The following GRIK5 variants were observed in gnomAD, a reference collection of about 807,000 sequenced individuals.
The protein encoded by GRIK5 is glutamate receptor ionotropic, kainate 5.
Under a neutral mutation model 97.4 loss-of-function variants are expected in GRIK5, and 43 were observed. That is an observed-to-expected ratio of 0.44 (90% CI 0.35 to 0.57). The LOEUF (loss-of-function observed/expected upper bound fraction) is 0.57. Ranked by LOEUF, GRIK5 falls within the 20% of genes least tolerant of loss-of-function variation. The pLI is 0.01. For synonymous variants in GRIK5, 580 were observed against 583.5 expected (o/e 0.99, Z 0.09); for missense variants, 1,015 against 1,382.0 (o/e 0.73, Z 4.21).
chr19:42,036,759 C>T (rs1304984102), intron 12 of GRIK5, among the ~76,000 whole-genome samples: 1 of 152,226 alleles, frequency 6.6e-6, no homozygotes. Flanking sequence ...TTACTAGAAA[C>T]CTGCCATGTG....
rs763923047 is a variant in GRIK5 at position 42,021,428 on chromosome 19, G to A, written c.1744C>T (p.Arg582Cys). 45 of 1,607,038 alleles carry A rather than the reference G, an allele frequency of 2.8e-5. No individual in the cohort carries two copies. The highest frequency in any genetic ancestry group is 1.3e-4 in the Admixed American group (8 of 59,468). The change falls in exon 15 of 20, where the codon CGC (arginine) becomes TGC (cysteine). Residue 582 changes from arginine to cysteine, a missense_variant. By Grantham distance (180) the Arg-to-Cys change is radical. Transcript: ENST00000593562. This position sits in a 1 kb window ranked among gnomAD's most constrained non-coding sequence, Gnocchi z 4.2. ...WYNPHPCLRARPHILENQYTL... is the reference protein window; with the variant it reads ...WYNPHPCLRACPHILENQYTL... Reference sequence around the variant, plus strand: ...TACTGGTTCTCCAGGATGTGGGGGCGTGCCCGCAGGCATGGGTGTGGGTTA... The same window carrying A: ...TACTGGTTCTCCAGGATGTGGGGGCATGCCCGCAGGCATGGGTGTGGGTTA...
Position 41,999,281 on chromosome 19 carries a change from T to G in GRIK5, c.2533A>C (p.Met845Leu). 6.6e-7 allele frequency: 1 copy of G among 1,523,476 alleles called. No individual in the cohort carries two copies. The highest frequency in any genetic ancestry group is 1.2e-5 in the South Asian group (1 of 83,450). 94.4% of individuals were successfully genotyped at this position (1,523,476 alleles called of 1,614,324 possible). A position where few individuals can be genotyped will look rare whatever the true frequency, so the allele number is the denominator to read the frequency against. ...ACGGCGTGGCGCAGCTCCTGCAGCATCTCCTGGCACACCGACACCTGGGGG... is the reference window on the plus strand; with the variant it reads ...ACGGCGTGGCGCAGCTCCTGCAGCAGCTCCTGGCACACCGACACCTGGGGG... ...ESEEVSVCQE[M>L]LQELRHAVSC... is the part of the protein sequence containing the mutation. The change falls in exon 20 of 20, where the codon ATG becomes CTG. Residue 845 changes from methionine (M) to leucine (L), a missense_variant. By Grantham distance (15) the Met-to-Leu change is conservative. This residue lies in a region of GRIK5 where 229 missense variants were observed against 341.0 expected (regional missense o/e 0.67). Coordinates refer to ENST00000593562, the MANE Select transcript of GRIK5 (RefSeq NM_002088.5). This position sits in a 1 kb window ranked among gnomAD's most constrained non-coding sequence, Gnocchi z 5.0.
intron 11 of GRIK5, among the ~76,000 whole-genome samples, chr19:42,047,971 T>TAA (rs1315383774): frequency 1.3e-5 from 1 of 78,366 alleles, no homozygotes; most frequent in Non-Finnish European, 2.5e-5. Flanking sequence ...AGACTCTGTC[T>TAA]CAAAAAAAAA....
intron 12 of GRIK5, among the ~76,000 whole-genome samples, chr19:42,028,095 A>G (rs569348615): frequency 1.3e-5 from 2 of 152,306 alleles, no homozygotes; most frequent in Admixed American, 1.3e-4. Flanking sequence ...GGCTTCCCAA[A>G]GTGCTAGGAT....
In GRIK5 at chr19:41,999,206, G is replaced by A. The variant is rs1396977064; in HGVS notation, c.2608C>T (p.Pro870Ser). The change falls in exon 20 of 20, where the codon CCG becomes TCG. Residue 870 changes from proline to serine, a missense_variant. This residue lies in a region of GRIK5 where 229 missense variants were observed against 341.0 expected (regional missense o/e 0.67). Transcript: ENST00000593562. The surrounding 1 kb of genome is among the most constrained non-coding windows in gnomAD (Gnocchi z 5.0). The part of the protein sequence containing the change: ...RSRRRRRPGG[P>S]SRALLSLRAV... ...CGCAGTGACAGCAGGGCCCGGCTCG[G>A]GCCGCCCGGGCGTCGGCGCCGGCGG... 2.0e-6 allele frequency: 3 copies of A among 1,517,848 alleles called. No individual in the cohort carries two copies. The highest frequency in any genetic ancestry group is 4.0e-5 in the Admixed American group (2 of 49,448). 94.0% of individuals were successfully genotyped at this position (1,517,848 alleles called of 1,614,324 possible).
At chr19:42,034,393 TA>T (rs1277452357) in intron 12 of GRIK5, among the ~76,000 whole-genome samples, 1 of 151,940 alleles carries the variant, frequency 6.6e-6, no homozygotes, top group African/African-American at 2.4e-5. Context: ...AAAATAATAA[TA>T]AAAAATAACA....
chr19:41,999,355 A>G lies in GRIK5; in HGVS notation c.2515-56T>C. 1 of 1,220,862 alleles carries G rather than the reference A, an allele frequency of 8.2e-7. No homozygotes were observed. The highest frequency in any genetic ancestry group is 1.1e-6 in the Non-Finnish European group (1 of 939,746). The allele number at this position is 1,220,862 out of a possible 1,614,324, so 75.6% of individuals were successfully genotyped here. ...GCGCAGTCCGCCTCCCGCCTCCCCC[A>G]GCCCCTCTCCACATCCCACTCCTCC... On this transcript the variant is annotated intron_variant, in intron 19 of 19. Coordinates refer to ENST00000593562, the MANE Select transcript of GRIK5 (RefSeq NM_002088.5). The surrounding 1 kb of genome is among the most constrained non-coding windows in gnomAD (Gnocchi z 5.0).
At chr19:42,020,677 A>C (rs2075685361) in intron 15 of GRIK5, among the ~76,000 whole-genome samples, 1 of 152,222 alleles carries the variant, frequency 6.6e-6, no homozygotes, top group Non-Finnish European at 1.5e-5. Flanking sequence ...CGGCCACAAG[A>C]GTGACCTCCA....
intron 12 of GRIK5, among the ~76,000 whole-genome samples, chr19:42,040,586 G>A (rs2075965541): frequency 6.6e-6 from 1 of 152,080 alleles, no homozygotes; most frequent in Non-Finnish European, 1.5e-5. Context: ...GGCTGGGTGT[G>A]GTGTCTCATA....
chr19:42,004,515 G>A (rs1439530181), intron 17 of GRIK5, among the ~76,000 whole-genome samples: 4 of 152,186 alleles, frequency 2.6e-5, no homozygotes, highest in African/African-American at 9.7e-5. Context: ...GTTTATTCAG[G>A]TCTTATGATG....
chr19:42,056,884 G>A lies in GRIK5; in HGVS notation c.741+41C>T, dbSNP rs201194417. On this transcript the variant is annotated intron_variant, in intron 7 of 19. Coordinates refer to ENST00000593562, the MANE Select transcript of GRIK5 (RefSeq NM_002088.5). ...AGCCCTAATGGGACAGCTGTGATGG[G>A]AAGGAAGTGGGGGCAGAGATGGGCC... The A allele has an allele frequency of 5.0e-4, 809 of 1,611,218 alleles. 5 individuals carry two copies. The African/African-American group carries it at 9.7e-3, about 19-fold the overall frequency.
In GRIK5 at chr19:41,999,672, T is replaced by C. The variant is rs1363501673; in HGVS notation, c.2515-373A>G. Among the ~76,000 whole-genome samples, 2 of 152,220 alleles carry C rather than the reference T, an allele frequency of 1.3e-5. No individual in the cohort carries two copies. Among genetic ancestry groups the C allele is most frequent in the Non-Finnish European group, 2.9e-5 (2 of 68,036 alleles). ...TTCATTATTGCAAGGCATATTTACC[T>C]GTGGCCTGCTGTGTGCCCGGCACTG... On this transcript the variant is annotated intron_variant, in intron 19 of 19. Transcript: ENST00000593562. The surrounding 1 kb of genome is among the most constrained non-coding windows in gnomAD (Gnocchi z 5.0).
rs1241043511 is a variant in GRIK5 at position 42,053,831 on chromosome 19, G to A, written c.1155C>T (p.His385=). 35 of 1,611,676 alleles carry A rather than the reference G, an allele frequency of 2.2e-5. No individual in the cohort carries two copies. Among genetic ancestry groups the A allele is most frequent in the Non-Finnish European group, 2.9e-5 (34 of 1,177,852 alleles). The change falls in exon 10 of 20, where the codon CAC becomes CAT. Residue 385 remains histidine, a synonymous_variant. Coordinates refer to ENST00000593562, the MANE Select transcript of GRIK5 (RefSeq NM_002088.5). The part of the protein sequence containing the change: ...LRILEKSRQG[H]REIGVWYSNR... ...TCACCCTGGGTCTGCTCACCTCACG[G>A]TGGCCCTGCCGGGACTTTTCTAGGA...
intron 11 of GRIK5, among the ~76,000 whole-genome samples, chr19:42,048,138 G>A (rs988623090): frequency 5.9e-5 from 9 of 152,006 alleles, no homozygotes; most frequent in Admixed American, 5.9e-4. Context: ...GGGTATACAC[G>A]GAATTCTTAA....
chr19:42,062,936 GC>G lies in GRIK5; in HGVS notation c.245-82del. Reference sequence around the variant, plus strand: ...CCCCATCCCTCAGGGAGCCGCCATGGCCCAGGAGAGGATCAGACACTGGCAA... The same window carrying G: ...CCCCATCCCTCAGGGAGCCGCCATGGCCAGGAGAGGATCAGACACTGGCAA... On this transcript the variant is annotated intron_variant, in intron 3 of 19. Transcript: ENST00000593562. This position sits in a 1 kb window ranked among gnomAD's most constrained non-coding sequence, Gnocchi z 5.3. 1 of 1,044,666 alleles carries G rather than the reference GC, an allele frequency of 9.6e-7. No homozygotes were observed. The highest frequency in any genetic ancestry group is 1.5e-6 in the Non-Finnish European group (1 of 675,050). 64.7% of individuals were successfully genotyped at this position (1,044,666 alleles called of 1,614,324 possible).
At chr19:42,025,550 T>C (rs1043673265) in intron 12 of GRIK5, among the ~76,000 whole-genome samples, 1 of 152,066 alleles carries the variant, frequency 6.6e-6, no homozygotes, top group African/African-American at 2.4e-5. Flanking sequence ...CCACATCCAG[T>C]CTTCCAGCCA....
intron 1 of GRIK5, among the ~76,000 whole-genome samples, chr19:42,066,300 C>T (rs986843494): frequency 1.3e-5 from 2 of 152,096 alleles, no homozygotes; most frequent in Non-Finnish European, 2.9e-5. Context: ...TGCCACTTTC[C>T]TAACATCCCC....
At chr19:42,040,818 C>T (rs751023862) in intron 12 of GRIK5, among the ~76,000 whole-genome samples, 1 of 152,066 alleles carries the variant, frequency 6.6e-6, no homozygotes, top group Non-Finnish European at 1.5e-5. Flanking sequence ...TTGCTGTGAG[C>T]AGAGATCGTG....
chr19:42,056,671 C>A lies in GRIK5; in HGVS notation c.894G>T (p.Leu298=), dbSNP rs754682476. ...GTATCTGTGTGCTCACCGCAGGGCC[C>A]AGGTAGGTGCTGGCTTCACAGTTCT... ...WRENCEASTY[L]GPALSAALMF... Residue 298 remains leucine (L), a synonymous_variant, in exon 8 of 20, where the codon CTG becomes CTT. Coordinates refer to ENST00000593562, the MANE Select transcript of GRIK5 (RefSeq NM_002088.5). 6.2e-7 allele frequency: 1 copy of A among 1,614,028 alleles called. No individual in the cohort carries two copies. The highest frequency in any genetic ancestry group is 2.2e-5 in the East Asian group (1 of 44,884).
Sources: gnomAD v4.1 joint callset for allele counts (sites outside exome capture counted in the v4.1 genomes callset) on GRCh38, gnomAD v4.1.1 for gene constraint, gnomAD v4.1.1 regional missense constraint, Gnocchi (gnomAD v3.1) non-coding constraint, MANE v1.5 for transcripts, NCBI Gene and HGNC (gene_info 2026-07-23, HGNC 2026-07-21) for gene names.